The following OSBPL8 variants were observed in gnomAD, a reference collection of about 807,000 sequenced individuals.
OSBPL8 encodes oxysterol binding protein like 8.
A neutral mutation model predicts 125.5 loss-of-function variants in OSBPL8; 59 were observed. The ratio of observed to expected loss-of-function variants is 0.47; its 90% CI spans 0.38 to 0.58. The LOEUF (loss-of-function observed/expected upper bound fraction) is 0.58. OSBPL8 is among the 20% of genes least tolerant of loss of function. The pLI is 0.00. For missense variants in OSBPL8, 758 were observed against 1,047.8 expected, an observed-to-expected ratio of 0.72 and a Z score of 3.82; for synonymous variants, 330 against 338.9, an observed-to-expected ratio of 0.97 and a Z score of 0.29.
intron 1 of OSBPL8, among the ~76,000 whole-genome samples, chr12:76,523,197 A>T (rs1219113658): frequency 6.6e-6 from 1 of 152,206 alleles, no homozygotes; most frequent in Non-Finnish European, 1.5e-5. Flanking sequence ...AACCTGTATT[A>T]TCTGCTCAAA....
rs1052937813 is a variant in OSBPL8, at chr12:76,549,352, A to G, written c.-68+10045T>C. ...TAGAAGATACAAAAGAACGGATTCT[A>G]AAAGTTTTCAGACAGAATAAAGAAC... On this transcript the variant is annotated intron_variant, in intron 1 of 23. Coordinates refer to ENST00000261183, the MANE Select transcript of OSBPL8 (RefSeq NM_020841.5). 5.9e-5 allele frequency among the ~76,000 whole-genome samples: 9 copies of G among 152,346 alleles called. No individual in the cohort carries two copies. In the South Asian group the frequency reaches 1.7e-3, roughly 28 times the overall value.
chr12:76,519,405 A>G (rs994999893), intron 1 of OSBPL8, among the ~76,000 whole-genome samples: 21 of 152,122 alleles, frequency 1.4e-4, no homozygotes, highest in Non-Finnish European at 1.8e-4. Flanking sequence ...ACAACCGTTT[A>G]TCCAGTATCT....
intron 1 of OSBPL8, among the ~76,000 whole-genome samples, chr12:76,543,597 A>G (rs1950703626): frequency 1.3e-5 from 2 of 152,196 alleles, no homozygotes. Flanking sequence ...GATATCCAAA[A>G]GCCATTCAGT....
At chr12:76,526,112 T>C (rs1337899683) in intron 1 of OSBPL8, among the ~76,000 whole-genome samples, 1 of 152,260 alleles carries the variant, frequency 6.6e-6, no homozygotes, top group African/African-American at 2.4e-5. Context: ...TTCTGCTAAC[T>C]GTTCTTATAC....
At chr12:76,435,725 G>A (rs1871366073) in intron 4 of OSBPL8, among the ~76,000 whole-genome samples, 1 of 152,008 alleles carries the variant, frequency 6.6e-6, no homozygotes, top group Admixed American at 6.6e-5. Context: ...ATTTGTGGTG[G>A]GAAGGGAAAA....
chr12:76,435,449 C>T (rs12229725), intron 4 of OSBPL8, among the ~76,000 whole-genome samples: 2 of 152,036 alleles, frequency 1.3e-5, no homozygotes, highest in East Asian at 3.9e-4. Flanking sequence ...TTCAGATATG[C>T]AGTATGAATA....
chr12:76,413,867 A>G (rs926044327), intron 4 of OSBPL8, among the ~76,000 whole-genome samples: 2 of 152,040 alleles, frequency 1.3e-5, no homozygotes, highest in African/African-American at 4.8e-5. Context: ...TTTGTTGTCA[A>G]CATCTCCTTA....
chr12:76,356,787 T>A, intron 22 of OSBPL8, 59 bp from the exon 23 acceptor site: 2 of 1,154,046 alleles, frequency 1.7e-6, no homozygotes, highest in Non-Finnish European at 1.2e-6. Context: ...TTCAATTTAA[T>A]GTGTCTCATG....
chr12:76,494,331 T>C (rs1358533437), intron 1 of OSBPL8, among the ~76,000 whole-genome samples: 1 of 152,212 alleles, frequency 6.6e-6, no homozygotes, highest in African/African-American at 2.4e-5. Flanking sequence ...TCTAGGGCAC[T>C]GACTGGGTGG....
chr12:76,538,119 C>G (rs1265000814), intron 1 of OSBPL8: 2 of 152,058 alleles, frequency 1.3e-5, no homozygotes, highest in East Asian at 1.9e-4. Context: ...CAATTAGAGA[C>G]CTTGACTCAG....
Position 76,410,646 on chromosome 12 carries a change from A to T in OSBPL8, c.218-12T>A. The T allele has an allele frequency of 6.4e-7, 1 of 1,551,484 alleles. No homozygotes were observed. Among genetic ancestry groups the T allele is most frequent in the Non-Finnish European group, 8.9e-7 (1 of 1,124,642 alleles). On this transcript the variant is annotated splice_polypyrimidine_tract_variant and intron_variant, in intron 4 of 23. Transcript: ENST00000261183. ...CCCTCTTTCAAAACCTTAAAAAAAT[A>T]GTCAGCATATCAGTATTACTACTTT...
At chr12:76,398,825 T>C (rs1953931228) in intron 7 of OSBPL8, among the ~76,000 whole-genome samples, 1 of 152,180 alleles carries the variant, frequency 6.6e-6, no homozygotes, top group Non-Finnish European at 1.5e-5. Flanking sequence ...AAATCTAAGA[T>C]ACATGTATAT....
chr12:76,464,239 G>C (rs1204662304), intron 2 of OSBPL8, among the ~76,000 whole-genome samples: 2 of 152,064 alleles, frequency 1.3e-5, no homozygotes, highest in South Asian at 2.1e-4. Context: ...TCGCACCTGT[G>C]AACAGCCACT....
intron 1 of OSBPL8, among the ~76,000 whole-genome samples, chr12:76,522,958 C>T (rs1278327899): frequency 2.0e-5 from 3 of 152,184 alleles, no homozygotes; most frequent in African/African-American, 7.2e-5. Flanking sequence ...CTACCTCAGC[C>T]TCCCAAGTAG....
At chr12:76,528,675 C>A (rs1269886377) in intron 1 of OSBPL8, among the ~76,000 whole-genome samples, 1 of 150,894 alleles carries the variant, frequency 6.6e-6, no homozygotes, top group Non-Finnish European at 1.5e-5. Flanking sequence ...AACAGAATCA[C>A]ACACACACAC....
chr12:76,402,162 C>T (rs1954076302), intron 6 of OSBPL8, among the ~76,000 whole-genome samples: 1 of 152,084 alleles, frequency 6.6e-6, no homozygotes, highest in Admixed American at 6.6e-5. Flanking sequence ...TAGTTAGGAA[C>T]CAGAGCCAGT....
chr12:76,361,382 A>G (rs930457262), intron 21 of OSBPL8, among the ~76,000 whole-genome samples: 2 of 152,094 alleles, frequency 1.3e-5, no homozygotes, highest in Non-Finnish European at 2.9e-5. Flanking sequence ...TCACATCACT[A>G]TCAACATTTT....
intron 1 of OSBPL8, among the ~76,000 whole-genome samples, chr12:76,541,786 G>A (rs1054833007): frequency 2.6e-5 from 4 of 151,860 alleles, no homozygotes; most frequent in African/African-American, 9.7e-5. Flanking sequence ...AACCCGGGAG[G>A]TGGAGGCTGC....
At chr12:76,464,469 C>T (rs1875146821) in intron 2 of OSBPL8, among the ~76,000 whole-genome samples, 1 of 152,072 alleles carries the variant, frequency 6.6e-6, no homozygotes, top group Admixed American at 6.5e-5. Flanking sequence ...ATAGCCATTA[C>T]CCAAATATTT....
Sources: gnomAD v4.1 joint callset for allele counts (sites outside exome capture counted in the v4.1 genomes callset) on GRCh38, gnomAD v4.1.1 for gene constraint, MANE v1.5 for transcripts, NCBI Gene and HGNC (gene_info 2026-07-23, HGNC 2026-07-21) for gene names.